SLC44A1: variants seen among roughly 807,000 people sequenced by gnomAD.
The protein encoded by SLC44A1 is solute carrier family 44 member 1.
Under a neutral mutation model 79.3 loss-of-function variants are expected in SLC44A1, and 26 were observed. That is an observed-to-expected ratio of 0.33 (90% CI 0.24 to 0.46). SLC44A1 has a LOEUF of 0.46. SLC44A1 is among the 20% of genes least tolerant of loss of function. The pLI, the probability that SLC44A1 is intolerant of heterozygous loss-of-function variation, is 1.00. For missense variants in SLC44A1, 688 were observed against 798.1 expected (o/e 0.86, Z 1.66); for synonymous variants, 263 against 286.2 (o/e 0.92, Z 0.82).
At chr9:105,368,509 T>C (rs1454382726) in intron 12 of SLC44A1, among the ~76,000 whole-genome samples, 1 of 152,182 alleles carries the variant, frequency 6.6e-6, no homozygotes, top group Non-Finnish European at 1.5e-5. Context: ...AAATTGAGAC[T>C]GGCATCTTGT....
chr9:105,373,764 G>A (rs1391405643), intron 12 of SLC44A1, among the ~76,000 whole-genome samples: 1 of 152,188 alleles, frequency 6.6e-6, no homozygotes, highest in Non-Finnish European at 1.5e-5. Flanking sequence ...TTCTCATTAT[G>A]TTAGCGAAAC....
chr9:105,358,422 T>A lies in SLC44A1; in HGVS notation c.749T>A (p.Leu250His), dbSNP rs1406740741. 6.4e-7 allele frequency: 1 copy of A among 1,570,380 alleles called. No individual in the cohort carries two copies. The highest frequency in any genetic ancestry group is 1.1e-5 in the South Asian group (1 of 89,842). Residue 250 changes from leucine to histidine, a missense_variant, in exon 7 of 16, where the codon CTC becomes CAC. Leu to His is a moderately conservative substitution (Grantham distance 99, BLOSUM62 -3). Coordinates refer to ENST00000374720, the MANE Select transcript of SLC44A1 (RefSeq NM_080546.5). ...LVWILTILVI[L>H]GSLGGTGVLW... ...TGGATCTTAACGATTCTGGTCATAC[T>A]CGGTTCACTTGGTAAGCTATTTATT...
At chr9:105,282,037 C>T (rs971869926) in intron 1 of SLC44A1, among the ~76,000 whole-genome samples, 5 of 152,152 alleles carry the variant, frequency 3.3e-5, no homozygotes, top group African/African-American at 1.2e-4. Context: ...GTAGCTGTAA[C>T]AGACACATAG....
intron 4 of SLC44A1, among the ~76,000 whole-genome samples, chr9:105,339,508 G>A (rs1001931835): frequency 7.2e-5 from 11 of 152,162 alleles, no homozygotes; most frequent in Non-Finnish European, 1.5e-5. Context: ...GCAACCTAAT[G>A]TCGGTAGACC....
chr9:105,411,254 T>C (rs1229286311), intron 15 of SLC44A1, among the ~76,000 whole-genome samples: 1 of 152,018 alleles, frequency 6.6e-6, no homozygotes, highest in Non-Finnish European at 1.5e-5. Flanking sequence ...TTCAAAGAAT[T>C]TTTATATATA....
chr9:105,438,376 T>C lies in SLC44A1; in HGVS notation c.*81T>C. 3.4e-6 allele frequency: 4 copies of C among 1,163,518 alleles called. No homozygotes were observed. In the East Asian group the frequency reaches 7.7e-5, roughly 22 times the overall value. 72.1% of individuals were successfully genotyped at this position (1,163,518 alleles called of 1,614,324 possible). ...TCCCACTCACCAGCTGTTGAGAGTC[T>C]GCGATTATGAAGAGCAGGATCTTAT... is the stretch of plus-strand genomic sequence containing the variant. On this transcript the variant is annotated 3_prime_UTR_variant, in exon 16 of 16. Transcript: ENST00000374724.
At chr9:105,303,219 G>GTAC (rs1830928771) in intron 2 of SLC44A1, among the ~76,000 whole-genome samples, 2 of 151,852 alleles carry the variant, frequency 1.3e-5, no homozygotes, top group African/African-American at 4.8e-5. Flanking sequence ...GCCCAATAAG[G>GTAC]TACTCCCTGG....
intron 15 of SLC44A1, among the ~76,000 whole-genome samples, chr9:105,424,372 T>G (rs1829293028): frequency 2.0e-5 from 3 of 152,234 alleles, no homozygotes; most frequent in African/African-American, 7.2e-5. Context: ...GGCTGGAGCT[T>G]GCCCTTGTGG....
At chr9:105,361,105 T>C in intron 7 of SLC44A1, 86 bp from the exon 8 acceptor site, 7 of 1,307,354 alleles carry the variant, frequency 5.4e-6, no homozygotes, top group Non-Finnish European at 7.8e-6. Flanking sequence ...TGATGATCTG[T>C]AGGAAGGGTC....
chr9:105,341,888 C>T (rs1174662142), intron 4 of SLC44A1, among the ~76,000 whole-genome samples: 2 of 152,208 alleles, frequency 1.3e-5, no homozygotes, highest in Non-Finnish European at 2.9e-5. Flanking sequence ...CTCCCTTATA[C>T]ATACTATCCA....
intron 1 of SLC44A1, among the ~76,000 whole-genome samples, chr9:105,291,467 A>G (rs1283757145): frequency 6.6e-6 from 1 of 152,202 alleles, no homozygotes; most frequent in Non-Finnish European, 1.5e-5. Context: ...GTCAGGGAGT[A>G]GTTAGGACAG....
intron 13 of SLC44A1, among the ~76,000 whole-genome samples, chr9:105,376,389 T>TTC (rs1828291698): frequency 1.3e-5 from 2 of 150,854 alleles, no homozygotes; most frequent in African/African-American, 4.9e-5. Context: ...TTTTTTTTTT[T>TTC]CCAGATGGAG....
At chr9:105,344,945 G>C (rs1827203653) in intron 4 of SLC44A1, among the ~76,000 whole-genome samples, 2 of 152,182 alleles carry the variant, frequency 1.3e-5, no homozygotes, top group Admixed American at 6.6e-5. Context: ...AGCTGGGAAA[G>C]GACAGCGCAA....
chr9:105,371,087 T>C (rs1044284702), intron 12 of SLC44A1, among the ~76,000 whole-genome samples: 1 of 152,220 alleles, frequency 6.6e-6, no homozygotes, highest in South Asian at 2.1e-4. Context: ...GTCAATTAAA[T>C]TGTTGAACTG....
chr9:105,426,302 G>A (rs7026554), intron 15 of SLC44A1, among the ~76,000 whole-genome samples: 3 of 152,052 alleles, frequency 2.0e-5, no homozygotes, highest in Non-Finnish European at 4.4e-5. Context: ...TATTTCTAAG[G>A]TTATATTTTT....
Position 105,358,391 on chromosome 9 carries a change from C to G in SLC44A1, c.718C>G (p.Leu240Val). Residue 240 changes from leucine (L) to valine (V), a missense_variant, in exon 7 of 16, where the codon CTT becomes GTT. Coordinates refer to ENST00000374720, the MANE Select transcript of SLC44A1 (RefSeq NM_080546.5). ...MVIIRYISRV[L>V]VWILTILVIL... Reference sequence around the variant, plus strand: ...GATAATCAGGTATATATCAAGAGTACTTGTGTGGATCTTAACGATTCTGGT... The same window carrying G: ...GATAATCAGGTATATATCAAGAGTAGTTGTGTGGATCTTAACGATTCTGGT... 1 of 1,602,414 alleles carries G rather than the reference C, an allele frequency of 6.2e-7. No individual in the cohort carries two copies. The highest frequency in any genetic ancestry group is 8.6e-7 in the Non-Finnish European group (1 of 1,169,582).
intron 15 of SLC44A1, among the ~76,000 whole-genome samples, chr9:105,424,948 CAAAA>C (rs200345209): frequency 1.4e-4 from 13 of 96,182 alleles, no homozygotes; most frequent in Non-Finnish European, 2.1e-4. Flanking sequence ...GACTCCATCT[CAAAA>C]AAAAAAAAAA....
At chr9:105,298,131 G>T (rs75575818) in intron 1 of SLC44A1, among the ~76,000 whole-genome samples, 2,240 of 151,988 alleles carry the variant, frequency 0.015, 60 homozygotes, top group African/African-American at 0.051. Context: ...AATGCAGTTG[G>T]AATTCCAGTC....
chr9:105,403,458 C>G (rs973960085), intron 15 of SLC44A1, among the ~76,000 whole-genome samples: 5 of 151,914 alleles, frequency 3.3e-5, no homozygotes, highest in Non-Finnish European at 7.4e-5. Flanking sequence ...AGATCTGTTT[C>G]TACTATGAGT....
Sources: gnomAD v4.1 joint callset for allele counts (sites outside exome capture counted in the v4.1 genomes callset) on GRCh38, gnomAD v4.1.1 for gene constraint, MANE v1.5 for transcripts, NCBI Gene and HGNC (gene_info 2026-07-23, HGNC 2026-07-21) for gene names.